PVT1: variants seen among roughly 807,000 people sequenced by gnomAD.
PVT1 encodes Pvt1 oncogene.
intron 2 of PVT1, among the ~76,000 whole-genome samples, chr8:127,857,376 A>C (rs1056074878): frequency 1.3e-5 from 2 of 151,954 alleles, no homozygotes; most frequent in Non-Finnish European, 2.9e-5. Flanking sequence ...AGGGACTCTC[A>C]ACAGTTAGGG....
chr8:128,031,711 G>T lies in PVT1; in HGVS notation n.913-38449G>T, dbSNP rs182963683. 1.3e-4 allele frequency among the ~76,000 whole-genome samples: 20 copies of T among 150,806 alleles called. No individual in the cohort carries two copies. In the East Asian group the frequency reaches 2.9e-3, roughly 22 times the overall value. On this transcript the variant is annotated intron_variant and non_coding_transcript_variant, in intron 4 of 10. Transcript: ENST00000651587. Reference sequence around the variant, plus strand: ...ATATATGCCAAACACTGTTTTAACTGATTTTTATATTAATTCATTTAATCT... The same window carrying T: ...ATATATGCCAAACACTGTTTTAACTTATTTTTATATTAATTCATTTAATCT...
intron 4 of PVT1, among the ~76,000 whole-genome samples, chr8:128,032,577 G>A (rs771179061): frequency 1.3e-5 from 2 of 152,070 alleles, no homozygotes; most frequent in Non-Finnish European, 2.9e-5. Flanking sequence ...TTTTTGCCAC[G>A]GCAATGCCAA....
chr8:127,990,726 C>T (rs913178020), intron 4 of PVT1, among the ~76,000 whole-genome samples: 3 of 152,192 alleles, frequency 2.0e-5, no homozygotes, highest in African/African-American at 2.4e-5. Flanking sequence ...AGCGCATTTG[C>T]GTTTCAAATC....
At chr8:127,822,185 G>A (rs1207290715) in intron 2 of PVT1, among the ~76,000 whole-genome samples, 1 of 152,232 alleles carries the variant, frequency 6.6e-6, no homozygotes, top group Non-Finnish European at 1.5e-5. Flanking sequence ...AGTCTTGGTT[G>A]TTGTAGTTGT....
At chr8:128,042,547 A>G (rs1813557976) in intron 4 of PVT1, among the ~76,000 whole-genome samples, 1 of 152,112 alleles carries the variant, frequency 6.6e-6, no homozygotes, top group Non-Finnish European at 1.5e-5. Flanking sequence ...TGGATCAGCT[A>G]CTTTCTAAGA....
chr8:128,091,654 G>A (rs1233118469), intron 5 of PVT1, among the ~76,000 whole-genome samples: 4 of 152,200 alleles, frequency 2.6e-5, no homozygotes, highest in African/African-American at 9.7e-5. Context: ...AATCCTGGCT[G>A]CATACTCAGT....
intron 2 of PVT1, among the ~76,000 whole-genome samples, chr8:127,862,937 T>G (rs12546286): frequency 0.035 from 5,302 of 152,242 alleles, 121 homozygotes; most frequent in Middle Eastern, 0.044. Context: ...AAGTCCCCTT[T>G]GTTAGGCATC....
chr8:127,935,956 A>G (rs1343408925), intron 3 of PVT1, among the ~76,000 whole-genome samples: 1 of 151,102 alleles, frequency 6.6e-6, no homozygotes, highest in East Asian at 1.9e-4. Flanking sequence ...AGGGGTGGCC[A>G]CGTGAGGGTG....
At chr8:127,882,955 T>TGA (rs1815485336) in intron 2 of PVT1, among the ~76,000 whole-genome samples, 1 of 152,086 alleles carries the variant, frequency 6.6e-6, no homozygotes, top group Non-Finnish European at 1.5e-5. Flanking sequence ...ATTAACAACA[T>TGA]GACTGGTCCC....
intron 3 of PVT1, among the ~76,000 whole-genome samples, chr8:127,928,290 TA>T (rs1816156933): frequency 6.6e-6 from 1 of 152,040 alleles, no homozygotes; most frequent in African/African-American, 2.4e-5. Flanking sequence ...GAATCCCCCT[TA>T]CTCCTGATGT....
chr8:127,994,216 A>C (rs191953035), intron 4 of PVT1, among the ~76,000 whole-genome samples: 4 of 152,208 alleles, frequency 2.6e-5, no homozygotes, highest in Admixed American at 2.6e-4. Flanking sequence ...GAAAATGAGG[A>C]TCTTTCTCTC....
intron 4 of PVT1, among the ~76,000 whole-genome samples, chr8:127,991,262 C>T (rs547066901): frequency 1.3e-5 from 2 of 151,678 alleles, no homozygotes; most frequent in Admixed American, 1.3e-4. Context: ...CCTGCCTCAG[C>T]CTCTTGAGTA....
At chr8:127,956,201 G>A (rs1425451365) in intron 3 of PVT1, among the ~76,000 whole-genome samples, 2 of 152,262 alleles carry the variant, frequency 1.3e-5, no homozygotes, top group Non-Finnish European at 2.9e-5. Context: ...GTTCCAGGTT[G>A]AGCCTTAGTG....
intron 3 of PVT1, among the ~76,000 whole-genome samples, chr8:127,925,550 CATTA>C: frequency 6.6e-6 from 1 of 152,194 alleles, no homozygotes; most frequent in Admixed American, 6.5e-5. Flanking sequence ...TGGTAGGATT[CATTA>C]ATTAATTTAT....
chr8:128,096,547 C>T (rs540513670), exon 6 of PVT1: 8 of 152,102 alleles, frequency 5.3e-5, no homozygotes, highest in African/African-American at 1.7e-4. Flanking sequence ...CCCAGATTCA[C>T]AAGCCCCACC....
intron 4 of PVT1, among the ~76,000 whole-genome samples, chr8:128,041,207 ATGTG>A (rs769436938): frequency 2.1e-3 from 119 of 56,452 alleles, no homozygotes; most frequent in Middle Eastern, 0.034. Flanking sequence ...GTGTGTTTGC[ATGTG>A]TGTTTGTGTG....
chr8:127,891,953 A>G (rs1488218159), intron 3 of PVT1, among the ~76,000 whole-genome samples: 1 of 152,222 alleles, frequency 6.6e-6, no homozygotes, highest in East Asian at 1.9e-4. Context: ...TCTCAGGTCC[A>G]GGCCTGGTGG....
At chr8:127,985,619 G>C (rs973875021) in intron 3 of PVT1, among the ~76,000 whole-genome samples, 1 of 151,984 alleles carries the variant, frequency 6.6e-6, no homozygotes, top group Non-Finnish European at 1.5e-5. Context: ...GCAAGCGTGG[G>C]GGCCAGGCTC....
chr8:127,878,977 A>G (rs189325867), intron 2 of PVT1, among the ~76,000 whole-genome samples: 77 of 152,336 alleles, frequency 5.1e-4, no homozygotes, highest in African/African-American at 1.7e-3. Context: ...ACAGGGAGCC[A>G]GTCTGGAGAA....
Sources: allele counts gnomAD v4.1 joint callset (sites outside exome capture counted in the v4.1 genomes callset), GRCh38; gene constraint gnomAD v4.1.1; transcripts MANE v1.5; gene names NCBI Gene and HGNC (gene_info 2026-07-23, HGNC 2026-07-21).